The following EXOC4 variants were observed in gnomAD, a reference collection of about 807,000 sequenced individuals.
EXOC4 encodes exocyst complex component 4, also known as SEC8-like 1.
EXOC4 carries 71 observed loss-of-function variants against 107.2 expected under a neutral mutation model. That is an observed-to-expected ratio of 0.66 (90% CI 0.55 to 0.81). The LOEUF (loss-of-function observed/expected upper bound fraction) is 0.81, where lower values mean the gene tolerates loss of function less well. Among genes scored for constraint, EXOC4 ranks in the 30% least tolerant of loss-of-function variants. The probability of loss-of-function intolerance (pLI) is 0.00; values close to 1 mark genes in which losing one functional copy is unlikely to be tolerated. For missense variants in EXOC4, 1,108 were observed against 1,189.6 expected (o/e 0.93, Z 1.01); for synonymous variants, 456 against 441.2 (o/e 1.03, Z -0.42).
In EXOC4 at chr7:133,766,633, T is replaced by A. The variant is rs143713374; in HGVS notation, c.1515-50692T>A. Among the ~76,000 whole-genome samples the A allele has an allele frequency of 4.9e-3, 746 of 151,994 alleles. 4 individuals carry two copies. Among genetic ancestry groups the A allele is most frequent in the Middle Eastern group, 0.017 (5 of 292 alleles). The stretch of plus-strand genomic sequence containing the variant: ...ATGGTTCATCTGCTGAAGGAAACAT[T>A]TTCATCCTTTAAGGAAAACCTTGCC... On this transcript the variant is annotated intron_variant, in intron 10 of 17. Coordinates refer to ENST00000253861, the MANE Select transcript of EXOC4 (RefSeq NM_021807.4).
Position 133,895,601 on chromosome 7 carries a change from C to G in EXOC4, c.1737C>G (p.Ser579Arg). ...VLGVQRPLLQSTIIVEKTVQD... is the reference protein window; with the variant it reads ...VLGVQRPLLQRTIIVEKTVQD... ...CTCTCTTTGTTGTTCATTTCCAGAGCACAATCATTGTGGAGAAGACAGTTC... is the reference window on the plus strand; with the variant it reads ...CTCTCTTTGTTGTTCATTTCCAGAGGACAATCATTGTGGAGAAGACAGTTC... The change falls in exon 12 of 18, where the codon AGC becomes AGG. Residue 579 changes from serine to arginine, a missense_variant and splice_region_variant. Transcript: ENST00000253861. 1 of 1,613,736 alleles carries G rather than the reference C, an allele frequency of 6.2e-7. No individual in the cohort carries two copies. The highest frequency in any genetic ancestry group is 8.5e-7 in the Non-Finnish European group (1 of 1,179,772).
chr7:133,373,867 T>C (rs923602525), intron 6 of EXOC4, among the ~76,000 whole-genome samples: 1 of 152,214 alleles, frequency 6.6e-6, no homozygotes, highest in Non-Finnish European at 1.5e-5. Flanking sequence ...CTCTGAAAGA[T>C]TAATAATGGA....
chr7:133,501,832 T>C (rs1443344911), intron 9 of EXOC4, among the ~76,000 whole-genome samples: 1 of 152,176 alleles, frequency 6.6e-6, no homozygotes, highest in Non-Finnish European at 1.5e-5. Context: ...GGTTTGACAG[T>C]ATTAATGCAA....
In EXOC4 at chr7:133,586,531, G is replaced by T. The variant is rs75921808; in HGVS notation, c.1418-43514G>T. On this transcript the variant is annotated intron_variant, in intron 9 of 17. Coordinates refer to ENST00000253861, the MANE Select transcript of EXOC4 (RefSeq NM_021807.4). Reference sequence around the variant, plus strand: ...CCAGTCTACCATTGATGGACATTTAGGTTGATTCCAGGAATGTCTTTGCTT... The same window carrying T: ...CCAGTCTACCATTGATGGACATTTATGTTGATTCCAGGAATGTCTTTGCTT... Among the ~76,000 whole-genome samples the T allele has an allele frequency of 1.7e-4, 26 of 152,264 alleles. No individual in the cohort carries two copies. In the East Asian group the frequency reaches 5.0e-3, roughly 29 times the overall value.
chr7:134,042,877 A>T (rs1297206186), intron 17 of EXOC4, among the ~76,000 whole-genome samples: 1 of 152,200 alleles, frequency 6.6e-6, no homozygotes, highest in African/African-American at 2.4e-5. Context: ...TGTGTAGTAA[A>T]CATGCAAAAA....
Position 133,876,696 on chromosome 7 carries a change from G to A in EXOC4, c.1735-18903G>A, listed in dbSNP as rs144832499. 6.0e-3 allele frequency among the ~76,000 whole-genome samples: 916 copies of A among 152,102 alleles called. 6 individuals are homozygous for A. Among genetic ancestry groups the A allele is most frequent in the African/African-American group, 0.021 (859 of 41,482 alleles). Reference sequence around the variant, plus strand: ...CCAGTGTGTCTGCCAAGTCTTCATCGAGTACCATTTTCCCAGGGAGGGGGC... The same window carrying A: ...CCAGTGTGTCTGCCAAGTCTTCATCAAGTACCATTTTCCCAGGGAGGGGGC... On this transcript the variant is annotated intron_variant, in intron 11 of 17. Coordinates refer to ENST00000253861, the MANE Select transcript of EXOC4 (RefSeq NM_021807.4).
At chr7:134,083,097 T>C in the EXOC4 span, among the ~76,000 whole-genome samples, 2 of 152,290 alleles carry the variant, frequency 1.3e-5, no homozygotes, top group South Asian at 2.1e-4. Flanking sequence ...AATTTACATA[T>C]CCGTGACTCA....
At chr7:133,327,873 A>G (rs1217809859) in intron 5 of EXOC4, among the ~76,000 whole-genome samples, 2 of 152,224 alleles carry the variant, frequency 1.3e-5, no homozygotes, top group Middle Eastern at 3.4e-3. Context: ...GGTCACTTTT[A>G]GAATAAGTGC....
At chr7:133,299,626 C>T (rs1354526872) in intron 3 of EXOC4, among the ~76,000 whole-genome samples, 1 of 152,052 alleles carries the variant, frequency 6.6e-6, no homozygotes, top group Non-Finnish European at 1.5e-5. Flanking sequence ...CACATTTGAT[C>T]CTGTTTTCGA....
At chr7:133,461,434 T>C (rs1243384569) in intron 7 of EXOC4, among the ~76,000 whole-genome samples, 1 of 152,210 alleles carries the variant, frequency 6.6e-6, no homozygotes, top group African/African-American at 2.4e-5. Context: ...AAATTCTATT[T>C]TGAATGAACT....
intron 13 of EXOC4, among the ~76,000 whole-genome samples, chr7:133,936,493 T>A (rs1181365246): frequency 6.6e-6 from 1 of 152,178 alleles, no homozygotes; most frequent in Admixed American, 6.5e-5. Flanking sequence ...CCTTGCTTCT[T>A]CTCAGGTAAG....
At chr7:134,050,763 C>G (rs561661939) in intron 17 of EXOC4, among the ~76,000 whole-genome samples, 2 of 152,070 alleles carry the variant, frequency 1.3e-5, no homozygotes, top group Admixed American at 1.3e-4. Context: ...TTTAAAAGGC[C>G]TTGGATGTCA....
chr7:133,360,880 T>C (rs1563034828), intron 6 of EXOC4, among the ~76,000 whole-genome samples: 1 of 152,294 alleles, frequency 6.6e-6, no homozygotes, highest in South Asian at 2.1e-4. Context: ...TTGAAAAATA[T>C]AATACCTGTT....
chr7:133,373,941 A>T (rs1243979452), intron 6 of EXOC4, among the ~76,000 whole-genome samples: 1 of 152,196 alleles, frequency 6.6e-6, no homozygotes, highest in African/African-American at 2.4e-5. Flanking sequence ...AGCATATGTG[A>T]GGCTCATGTG....
the EXOC4 span, among the ~76,000 whole-genome samples, chr7:134,084,697 T>C: frequency 4.0e-4 from 56 of 139,432 alleles, no homozygotes; most frequent in African/African-American, 1.6e-3. Context: ...GGAAAAGCAT[T>C]TGGTGCAGCC....
At chr7:133,845,334 TAGTG>T (rs1563023981) in intron 11 of EXOC4, among the ~76,000 whole-genome samples, 1 of 136,758 alleles carries the variant, frequency 7.3e-6, no homozygotes, top group African/African-American at 3.2e-5. Context: ...GGCAGGTTAG[TAGTG>T]TGTGTGTGTG....
intron 7 of EXOC4, among the ~76,000 whole-genome samples, chr7:133,377,175 A>T (rs1320003874): frequency 6.6e-6 from 1 of 152,058 alleles, no homozygotes. Flanking sequence ...AAAATGGTGA[A>T]ACCCTGTCTC....
chr7:133,920,835 A>G (rs1799921469), intron 13 of EXOC4, among the ~76,000 whole-genome samples: 1 of 152,184 alleles, frequency 6.6e-6, no homozygotes, highest in Admixed American at 6.5e-5. Context: ...ATCTTGCAAG[A>G]CAGATCTACT....
intron 13 of EXOC4, among the ~76,000 whole-genome samples, chr7:133,918,947 A>T (rs1006425817): frequency 6.6e-6 from 1 of 152,218 alleles, no homozygotes; most frequent in African/African-American, 2.4e-5. Context: ...TATCTCTCTC[A>T]AATTGTGCAA....
Sources: gnomAD v4.1 joint callset for allele counts (sites outside exome capture counted in the v4.1 genomes callset) on GRCh38, gnomAD v4.1.1 for gene constraint, MANE v1.5 for transcripts, NCBI Gene and HGNC (gene_info 2026-07-23, HGNC 2026-07-21) for gene names.